GPR35: variants seen among roughly 807,000 people sequenced by gnomAD.
The protein encoded by GPR35 is G protein-coupled receptor 35, also known as KYNA receptor.
For missense variants in GPR35, 372 were observed against 422.5 expected, an observed-to-expected ratio of 0.88 and a Z score of 1.05; for synonymous variants, 207 against 198.4, an observed-to-expected ratio of 1.04 and a Z score of -0.36.
intron 2 of GPR35, among the ~76,000 whole-genome samples, chr2:240,608,897 A>G (rs985659993): frequency 6.6e-6 from 1 of 152,234 alleles, no homozygotes; most frequent in Non-Finnish European, 1.5e-5. Flanking sequence ...TTATGAATTC[A>G]ACAACTTTAA....
intron 1 of GPR35, among the ~76,000 whole-genome samples, chr2:240,627,101 G>A (rs1362423199): frequency 1.3e-5 from 2 of 152,198 alleles, no homozygotes; most frequent in African/African-American, 4.8e-5. Flanking sequence ...CCCCGGCAGC[G>A]GGAGCTCCCT....
At position 240,625,649 on chromosome 2, in the gene GPR35, T is replaced by C. The variant is rs1226780284; in HGVS notation, c.-5+81T>C. On this transcript the variant is annotated intron_variant, in intron 1 of 1. Transcript: ENST00000407714. ...GTCTCAGAGTGGGGTGAGGCTGTGATGGGGTCTCAGAGCAGGGTGAGGCTA... is the reference window on the plus strand; with the variant it reads ...GTCTCAGAGTGGGGTGAGGCTGTGACGGGGTCTCAGAGCAGGGTGAGGCTA... 14 of 522,460 alleles carry C rather than the reference T, an allele frequency of 2.7e-5. 1 individual carries two copies. In the East Asian group the frequency reaches 7.5e-4, roughly 28 times the overall value. The allele number at this position is 522,460 out of a possible 1,614,324, so 32.4% of individuals were successfully genotyped here.
At chr2:240,611,349 A>G (rs2043181374) in intron 2 of GPR35, among the ~76,000 whole-genome samples, 1 of 152,136 alleles carries the variant, frequency 6.6e-6, no homozygotes, top group Admixed American at 6.6e-5. Flanking sequence ...TGAACCTACC[A>G]TCTGCTATTT....
intron 2 of GPR35, among the ~76,000 whole-genome samples, chr2:240,609,293 G>A (rs1202405754): frequency 6.6e-6 from 1 of 151,786 alleles, no homozygotes; most frequent in East Asian, 1.9e-4. Context: ...TTCTCAAAGT[G>A]GAATCTTAGG....
chr2:240,625,153 T>C, upstream of GPR35: 18 of 578,406 alleles, frequency 3.1e-5, no homozygotes, highest in Non-Finnish European at 3.7e-5. Context: ...GTTTCCGAGA[T>C]GACAGGGCAG....
chr2:240,630,023 A>C lies in GPR35; in HGVS notation c.71A>C (p.Tyr24Ser). Residue 24 changes from tyrosine to serine, a missense_variant, in exon 2 of 2, where the codon TAC becomes TCC. Transcript: ENST00000407714. Reference protein sequence around the residue: ...TWPPAIKLGFYAYLGVLLVLG... With the variant: ...TWPPAIKLGFSAYLGVLLVLG... Reference sequence around the variant, plus strand: ...CCCCCAGCGATCAAGCTGGGCTTCTACGCCTACTTGGGCGTCCTGCTGGTG... The same window carrying C: ...CCCCCAGCGATCAAGCTGGGCTTCTCCGCCTACTTGGGCGTCCTGCTGGTG... 6.2e-7 allele frequency: 1 copy of C among 1,612,804 alleles called. No individual in the cohort carries two copies. Among genetic ancestry groups the C allele is most frequent in the South Asian group, 1.1e-5 (1 of 91,074 alleles).
In GPR35 at chr2:240,631,048, T is replaced by C. The variant is rs576763329; in HGVS notation, c.*166T>C. The C allele has an allele frequency of 9.4e-6, 6 of 635,636 alleles. No homozygotes were observed. The Admixed American group carries it at 1.2e-4, about 12-fold the overall frequency. The allele number at this position is 635,636 out of a possible 1,614,324, so 39.4% of individuals were successfully genotyped here. ...GGGACGGCCCAGGTACCTGCTCTCT[T>C]GGGAAGAGAGAGGGACAGGGACAAG... On this transcript the variant is annotated 3_prime_UTR_variant, in exon 2 of 2. Transcript: ENST00000407714.
At chr2:240,606,619 C>T (rs1192285428) in intron 2 of GPR35, 1 of 152,194 alleles carries the variant, frequency 6.6e-6, no homozygotes, top group Non-Finnish European at 1.5e-5. Context: ...AAAGGTAATC[C>T]ATTGACTCAG....
In GPR35 at chr2:240,629,889, G is replaced by A. The variant is rs966388150; in HGVS notation, c.-4-60G>A. 44 of 1,422,792 alleles carry A rather than the reference G, an allele frequency of 3.1e-5. No homozygotes were observed. The African/African-American group carries it at 4.8e-4, about 15-fold the overall frequency. The allele number at this position is 1,422,792 out of a possible 1,614,324, so 88.1% of individuals were successfully genotyped here. A position where few individuals can be genotyped will look rare whatever the true frequency, so the allele number is the denominator to read the frequency against. ...CTGCCCAGAGGTGGGCAGAGTGGGG[G>A]CAGTGCCTTGCTCCCCCTGCTCACT... is the stretch of plus-strand genomic sequence containing the variant. On this transcript the variant is annotated intron_variant, in intron 1 of 1. Coordinates refer to ENST00000407714, the MANE Select transcript of GPR35 (RefSeq NM_005301.5).
intron 3 of GPR35, chr2:240,616,613 C>T (rs1486636955): frequency 1.4e-6 from 1 of 689,736 alleles, no homozygotes; most frequent in Non-Finnish European, 2.6e-6. Context: ...GGCCAGCAGC[C>T]ACCAATGATC....
intron 4 of GPR35, chr2:240,618,748 A>G (rs2043263223): frequency 4.5e-6 from 2 of 441,510 alleles, no homozygotes; most frequent in Non-Finnish European, 8.0e-6. Flanking sequence ...TTCCATTTGT[A>G]AAACATACAG....
At chr2:240,624,980 G>A (rs980646885), upstream of GPR35, among the ~76,000 whole-genome samples, 1 of 152,046 alleles carries the variant, frequency 6.6e-6, no homozygotes, top group Admixed American at 6.5e-5. Context: ...GCATGTGTGT[G>A]TGCATGTGTG....
At chr2:240,626,541 G>A (rs1181231364) in intron 1 of GPR35, among the ~76,000 whole-genome samples, 3 of 152,126 alleles carry the variant, frequency 2.0e-5, no homozygotes, top group African/African-American at 7.2e-5. Flanking sequence ...CTTGGAGCCT[G>A]TGTCTGGGTA....
upstream of GPR35, among the ~76,000 whole-genome samples, chr2:240,624,747 G>A (rs139232166): frequency 4.2e-4 from 64 of 152,248 alleles, 1 homozygote; most frequent in East Asian, 0.012. Context: ...TCTGCACCAT[G>A]GGGGCGCAGC....
intron 2 of GPR35, among the ~76,000 whole-genome samples, chr2:240,612,440 A>G (rs1465297177): frequency 6.6e-6 from 1 of 151,554 alleles, no homozygotes; most frequent in Non-Finnish European, 1.5e-5. Flanking sequence ...AAAAAAAAAA[A>G]AAAAAAAAGG....
At chr2:240,617,549 T>C in intron 4 of GPR35, 1 of 321,062 alleles carries the variant, frequency 3.1e-6, no homozygotes. Flanking sequence ...AATGTATCTA[T>C]AAAAAGAAGT....
At chr2:240,614,217 A>T (rs937567392) in intron 2 of GPR35, among the ~76,000 whole-genome samples, 1 of 151,830 alleles carries the variant, frequency 6.6e-6, no homozygotes, top group Non-Finnish European at 1.5e-5. Flanking sequence ...CCTGGCTCAA[A>T]CCCTAACCTG....
chr2:240,625,988 A>G (rs76204786), intron 1 of GPR35, among the ~76,000 whole-genome samples: 543 of 3,794 alleles, frequency 0.14, 1 homozygote, highest in Admixed American at 0.16. Context: ...TTCTCAGAGC[A>G]GGGTGAGGCT....
intron 2 of GPR35, among the ~76,000 whole-genome samples, chr2:240,612,288 G>T (rs548294142): frequency 1.1e-4 from 16 of 151,966 alleles, no homozygotes. Context: ...TTAGCCGGGT[G>T]TGGTGGCGGG....
Sources: allele counts gnomAD v4.1 joint callset (sites outside exome capture counted in the v4.1 genomes callset), GRCh38; gene constraint gnomAD v4.1.1; transcripts MANE v1.5; gene names NCBI Gene and HGNC (gene_info 2026-07-23, HGNC 2026-07-21).